Variants in PTPRD observed in about 807,000 individuals in gnomAD.
PTPRD encodes the protein receptor-type tyrosine-protein phosphatase delta.
PTPRD carries 34 observed loss-of-function variants against 214.5 expected under a neutral mutation model. The ratio of observed to expected loss-of-function variants is 0.16; its 90% CI spans 0.12 to 0.21. The LOEUF is 0.21. PTPRD is among the 10% of genes least tolerant of loss of function. The pLI is 1.00. For synonymous variants in PTPRD, 1,128 were observed against 845.7 expected (o/e 1.33, Z -5.79); for missense variants, 2,545 against 2,398.7 (o/e 1.06, Z -1.27).
At chr9:9,366,764 C>T (rs2058002675) in intron 9 of PTPRD, among the ~76,000 whole-genome samples, 1 of 150,400 alleles carries the variant, frequency 6.6e-6, no homozygotes. Context: ...AAAGAGGTTA[C>T]AAAAAAGACA....
intron 2 of PTPRD, among the ~76,000 whole-genome samples, chr9:10,442,877 A>G (rs1242504645): frequency 6.6e-6 from 1 of 151,506 alleles, no homozygotes; most frequent in Non-Finnish European, 1.5e-5. Flanking sequence ...CCACCCTATC[A>G]TGTTTCTTGA....
Position 8,675,757 on chromosome 9 carries a change from G to A in PTPRD, c.65-38913C>T, listed in dbSNP as rs117842550. Among the ~76,000 whole-genome samples the A allele has an allele frequency of 1.7e-3, 262 of 151,986 alleles. 1 individual carries two copies. The highest frequency in any genetic ancestry group is 0.014 in the East Asian group (72 of 5,156). On this transcript the variant is annotated intron_variant, in intron 12 of 45. Transcript: ENST00000381196. ...CCATCACCTTGTCTCCACCCCTGCC[G>A]TCCCCACTCTGATTCAGTCTCTTGC...
At position 8,966,464 on chromosome 9, in the gene PTPRD, C is replaced by A. The variant is rs1376461117; in HGVS notation, c.-104+52233G>T. Among the ~76,000 whole-genome samples, 7 of 151,752 alleles carry A rather than the reference C, an allele frequency of 4.6e-5. No homozygotes were observed. In the South Asian group the frequency reaches 1.5e-3, roughly 32 times the overall value. ...AAACAGAAATAAAGTCACACACCTA[C>A]ATCCATCTGATATTCGACAAAGTTA... On this transcript the variant is annotated intron_variant, in intron 11 of 45. Coordinates refer to ENST00000381196, the MANE Select transcript of PTPRD (RefSeq NM_002839.4).
chr9:9,419,712 G>A (rs1001332107), intron 8 of PTPRD, among the ~76,000 whole-genome samples: 1 of 151,674 alleles, frequency 6.6e-6, no homozygotes, highest in Admixed American at 6.6e-5. Flanking sequence ...CATTAACACA[G>A]ATGGCAAAAT....
At chr9:9,486,705 C>G (rs2095653158) in intron 8 of PTPRD, among the ~76,000 whole-genome samples, 1 of 152,120 alleles carries the variant, frequency 6.6e-6, no homozygotes, top group South Asian at 2.1e-4. Flanking sequence ...ATCTTCAGAT[C>G]TCAGATTAAA....
chr9:9,924,646 T>C (rs1021841937), intron 5 of PTPRD, among the ~76,000 whole-genome samples: 2 of 152,142 alleles, frequency 1.3e-5, no homozygotes, highest in Non-Finnish European at 2.9e-5. Flanking sequence ...CTGTGTTACA[T>C]GTAACATGCT....
At chr9:10,607,304 A>C (rs117680402) in intron 2 of PTPRD, among the ~76,000 whole-genome samples, 4,527 of 151,962 alleles carry the variant, frequency 0.03, 129 homozygotes, top group East Asian at 0.072. Flanking sequence ...TTGAACTTTG[A>C]TTTAAGAACT....
chr9:8,840,901 T>C (rs1272871951), intron 11 of PTPRD, among the ~76,000 whole-genome samples: 1 of 152,174 alleles, frequency 6.6e-6, no homozygotes, highest in African/African-American at 2.4e-5. Flanking sequence ...CATGTAACGA[T>C]ATGTACAAGG....
chr9:10,145,075 TC>T (rs1372053174), intron 3 of PTPRD, among the ~76,000 whole-genome samples: 4 of 151,998 alleles, frequency 2.6e-5, no homozygotes, highest in Non-Finnish European at 5.9e-5. Flanking sequence ...ATATTCAGTA[TC>T]CCCCCACGAA....
chr9:9,621,691 G>C (rs937303026), intron 7 of PTPRD, among the ~76,000 whole-genome samples: 22 of 152,138 alleles, frequency 1.4e-4, no homozygotes, highest in African/African-American at 4.8e-4. Flanking sequence ...TCTGGTTTTA[G>C]GGGCATTCTA....
intron 3 of PTPRD, among the ~76,000 whole-genome samples, chr9:10,206,499 G>T (rs1238113176): frequency 1.3e-5 from 2 of 152,116 alleles, no homozygotes; most frequent in Non-Finnish European, 2.9e-5. Flanking sequence ...AGGAAGAAAA[G>T]AATTAAGACT....
intron 14 of PTPRD, among the ~76,000 whole-genome samples, chr9:8,538,565 G>C (rs1026624350): frequency 2.0e-5 from 3 of 151,528 alleles, no homozygotes; most frequent in Admixed American, 6.6e-5. Context: ...ATTGTGTAGT[G>C]TTGGATTGGA....
At chr9:9,746,284 G>A (rs930956590) in intron 6 of PTPRD, among the ~76,000 whole-genome samples, 1 of 152,064 alleles carries the variant, frequency 6.6e-6, no homozygotes, top group African/African-American at 2.4e-5. Flanking sequence ...CAGAAAAAAA[G>A]AGAAGAGGTT....
At chr9:10,076,456 G>T (rs1821861282) in intron 3 of PTPRD, among the ~76,000 whole-genome samples, 1 of 152,084 alleles carries the variant, frequency 6.6e-6, no homozygotes, top group Non-Finnish European at 1.5e-5. Context: ...CTGACTGGAG[G>T]ACTGCATCTG....
chr9:9,521,613 G>A (rs1408634628), intron 8 of PTPRD, among the ~76,000 whole-genome samples: 1 of 152,082 alleles, frequency 6.6e-6, no homozygotes, highest in African/African-American at 2.4e-5. Context: ...AACAGGGGAG[G>A]CGCTCTAAGT....
intron 34 of PTPRD, among the ~76,000 whole-genome samples, chr9:8,439,735 A>G (rs1281667340): frequency 6.6e-6 from 1 of 152,014 alleles, no homozygotes; most frequent in South Asian, 2.1e-4. Flanking sequence ...CCGCTGCCCA[A>G]TATTGAAAAA....
intron 7 of PTPRD, among the ~76,000 whole-genome samples, chr9:9,614,984 G>A (rs2094766672): frequency 1.3e-5 from 2 of 152,066 alleles, no homozygotes; most frequent in Non-Finnish European, 2.9e-5. Flanking sequence ...TCAGTAGAAG[G>A]CACTGGGGAG....
chr9:9,289,957 C>A (rs1159139405), intron 9 of PTPRD, among the ~76,000 whole-genome samples: 2 of 151,750 alleles, frequency 1.3e-5, no homozygotes, highest in Non-Finnish European at 2.9e-5. Context: ...GACTTCACTT[C>A]CTTTGGATAT....
intron 11 of PTPRD, among the ~76,000 whole-genome samples, chr9:8,757,480 G>A (rs2094089720): frequency 6.6e-6 from 1 of 151,790 alleles, no homozygotes; most frequent in Non-Finnish European, 1.5e-5. Context: ...GGTGTAAGAA[G>A]GAATTAAGAT....
Sources: gnomAD v4.1 joint callset for allele counts (sites outside exome capture counted in the v4.1 genomes callset) on GRCh38, gnomAD v4.1.1 for gene constraint, MANE v1.5 for transcripts, NCBI Gene and HGNC (gene_info 2026-07-23, HGNC 2026-07-21) for gene names.